The following NR3C2 variants were observed in gnomAD, a reference collection of about 807,000 sequenced individuals.
NR3C2 encodes the protein mineralocorticoid receptor.
In NR3C2, 15 loss-of-function variants were observed where a neutral mutation model predicts 86.4. The observed-to-expected ratio is 0.17, with a 90% CI of 0.12 to 0.27. NR3C2 has a LOEUF of 0.27. Among genes scored for constraint, NR3C2 ranks in the 10% least tolerant of loss-of-function variants. The probability of loss-of-function intolerance (pLI) is 1.00; values close to 1 mark genes in which losing one functional copy is unlikely to be tolerated. For synonymous variants in NR3C2, 458 were observed against 450.5 expected, an observed-to-expected ratio of 1.02 and a Z score of -0.21; for missense variants, 960 against 1,195.6, an observed-to-expected ratio of 0.80 and a Z score of 2.91.
chr4:148,424,353 T>C (rs1277424720), intron 2 of NR3C2, among the ~76,000 whole-genome samples: 1 of 152,190 alleles, frequency 6.6e-6, no homozygotes, highest in East Asian at 1.9e-4. Flanking sequence ...ATTAAAATGG[T>C]ACAAACACTT....
chr4:148,400,797 AAAAAAAGAG>A (rs1748121434), intron 2 of NR3C2, among the ~76,000 whole-genome samples: 1 of 151,686 alleles, frequency 6.6e-6, no homozygotes, highest in Non-Finnish European at 1.5e-5. Flanking sequence ...AAAAAAAAAA[AAAAAAAGAG>A]AGAGACTGCT....
chr4:148,364,258 T>C (rs990075129), intron 2 of NR3C2, among the ~76,000 whole-genome samples: 8 of 152,208 alleles, frequency 5.3e-5, no homozygotes, highest in Non-Finnish European at 1.2e-4. Flanking sequence ...ACTACTACGC[T>C]TCAGTGTGTT....
At chr4:148,363,794 C>T (rs559906868) in intron 2 of NR3C2, among the ~76,000 whole-genome samples, 11 of 152,244 alleles carry the variant, frequency 7.2e-5, no homozygotes, top group African/African-American at 1.7e-4. Context: ...TGAGCCACCG[C>T]GCCCAGCCGA....
intron 2 of NR3C2, among the ~76,000 whole-genome samples, chr4:148,309,047 C>T (rs1344022364): frequency 6.9e-6 from 1 of 144,914 alleles, no homozygotes; most frequent in Non-Finnish European, 1.5e-5. Flanking sequence ...GTTTTCAATA[C>T]AAAAAAAAAA....
At chr4:148,315,298 C>T (rs982617179) in intron 2 of NR3C2, among the ~76,000 whole-genome samples, 93 of 152,158 alleles carry the variant, frequency 6.1e-4, no homozygotes, top group African/African-American at 2.1e-3. Flanking sequence ...TGTCACTGTG[C>T]CTGTACACAC....
At chr4:148,126,604 A>G (rs1292538598) in intron 6 of NR3C2, among the ~76,000 whole-genome samples, 1 of 152,238 alleles carries the variant, frequency 6.6e-6, no homozygotes. Context: ...ACATCCACAC[A>G]CAGATTAAAG....
intron 2 of NR3C2, among the ~76,000 whole-genome samples, chr4:148,268,299 T>A (rs1740502501): frequency 6.6e-6 from 1 of 152,192 alleles, no homozygotes; most frequent in African/African-American, 2.4e-5. Context: ...TTAGCGGGAA[T>A]ATTTGAGAGC....
At chr4:148,385,231 T>C (rs1338822938) in intron 2 of NR3C2, among the ~76,000 whole-genome samples, 1 of 152,194 alleles carries the variant, frequency 6.6e-6, no homozygotes, top group Non-Finnish European at 1.5e-5. Context: ...CACCATTATA[T>C]AATAGGAAGA....
At chr4:148,334,684 T>G (rs1487576392) in intron 2 of NR3C2, among the ~76,000 whole-genome samples, 1 of 152,258 alleles carries the variant, frequency 6.6e-6, no homozygotes, top group African/African-American at 2.4e-5. Context: ...TGTCTGTAGC[T>G]ATCAAACAGA....
In NR3C2 at chr4:148,233,265, T is replaced by C. The variant is rs186314711; in HGVS notation, c.1897+26713A>G. 3.9e-5 allele frequency among the ~76,000 whole-genome samples: 6 copies of C among 152,292 alleles called. No homozygotes were observed. The East Asian group carries it at 7.7e-4, about 20-fold the overall frequency. ...TCAGCTTTCAATATGTCTTCCTCAC[T>C]AAGTTTAATCCTTTCTAGCTTTTGA... On this transcript the variant is annotated intron_variant, in intron 3 of 8. Transcript: ENST00000358102.
rs61762835 is a variant in NR3C2 at position 148,367,654 on chromosome 4, C to T, written c.1757+67450G>A. On this transcript the variant is annotated intron_variant, in intron 2 of 8. Coordinates refer to ENST00000358102, the MANE Select transcript of NR3C2 (RefSeq NM_000901.5). ...AATCCCAACCTAATATCCATAAAAT[C>T]ACAAAGGCAAGTGTAATATACCTCC... is the stretch of plus-strand genomic sequence containing the variant. 2.1e-3 allele frequency among the ~76,000 whole-genome samples: 326 copies of T among 152,164 alleles called. 1 individual carries two copies. Among genetic ancestry groups the T allele is most frequent in the Non-Finnish European group, 3.7e-3 (252 of 67,994 alleles).
rs114754186 is a variant in NR3C2 at position 148,283,446 on chromosome 4, G to C, written c.1758-23329C>G. Among the ~76,000 whole-genome samples, 1,300 of 152,256 alleles carry C rather than the reference G, an allele frequency of 8.5e-3. 18 individuals carry two copies. Among genetic ancestry groups the C allele is most frequent in the African/African-American group, 0.03 (1,228 of 41,552 alleles). On this transcript the variant is annotated intron_variant, in intron 2 of 8. Coordinates refer to ENST00000358102, the MANE Select transcript of NR3C2 (RefSeq NM_000901.5). Reference sequence around the variant, plus strand: ...ACCTATTGATAAAGGAATCACAAGAGCAATGGTGACCCCAATAACTCTCAG... The same window carrying C: ...ACCTATTGATAAAGGAATCACAAGACCAATGGTGACCCCAATAACTCTCAG...
intron 6 of NR3C2, among the ~76,000 whole-genome samples, chr4:148,130,062 C>T (rs905945940): frequency 2.0e-5 from 3 of 151,976 alleles, no homozygotes; most frequent in African/African-American, 7.3e-5. Context: ...TTAGTTTTAC[C>T]GTATCTGTGT....
chr4:148,193,611 T>C lies in NR3C2; in HGVS notation c.2014+1135A>G, dbSNP rs370904417. Reference sequence around the variant, plus strand: ...CAATGTGAATGCTATGTTATATATATATGTTACACTGTATTTTAAATTTTG... The same window carrying C: ...CAATGTGAATGCTATGTTATATATACATGTTACACTGTATTTTAAATTTTG... On this transcript the variant is annotated intron_variant, in intron 4 of 8. Transcript: ENST00000358102. Among the ~76,000 whole-genome samples, 135 of 152,340 alleles carry C rather than the reference T, an allele frequency of 8.9e-4. 4 individuals are homozygous for C. In the South Asian group the frequency reaches 0.026, roughly 29 times the overall value.
At chr4:148,270,782 T>C (rs1190079992) in intron 2 of NR3C2, among the ~76,000 whole-genome samples, 1 of 152,196 alleles carries the variant, frequency 6.6e-6, no homozygotes, top group Non-Finnish European at 1.5e-5. Context: ...CCACCTTTTC[T>C]AGTCTAGCCC....
At chr4:148,336,819 G>A (rs1256493729) in intron 2 of NR3C2, among the ~76,000 whole-genome samples, 4 of 152,172 alleles carry the variant, frequency 2.6e-5, no homozygotes, top group Non-Finnish European at 5.9e-5. Flanking sequence ...TTGAGACAGG[G>A]TCACACTCTG....
chr4:148,279,158 G>A (rs866088205), intron 2 of NR3C2, among the ~76,000 whole-genome samples: 1 of 152,064 alleles, frequency 6.6e-6, no homozygotes, highest in African/African-American at 2.4e-5. Flanking sequence ...TCAAGACTCC[G>A]TCTCAATAAA....
At chr4:148,226,711 C>T (rs926407211) in intron 3 of NR3C2, among the ~76,000 whole-genome samples, 9 of 152,106 alleles carry the variant, frequency 5.9e-5, no homozygotes, top group South Asian at 2.1e-4. Context: ...GTGAAGCATG[C>T]GAGTTCCAGC....
At chr4:148,191,467 T>C (rs528028537) in intron 4 of NR3C2, among the ~76,000 whole-genome samples, 44 of 152,356 alleles carry the variant, frequency 2.9e-4, no homozygotes, top group African/African-American at 1.1e-3. Flanking sequence ...GCCTAGGCAA[T>C]GATCTTTCTG....
Sources: allele counts gnomAD v4.1 joint callset (sites outside exome capture counted in the v4.1 genomes callset), GRCh38; gene constraint gnomAD v4.1.1; transcripts MANE v1.5; gene names NCBI Gene and HGNC (gene_info 2026-07-23, HGNC 2026-07-21).